Variants in NCKAP5 observed in about 807,000 individuals in gnomAD.
The protein encoded by NCKAP5 is nck-associated protein 5.
A neutral mutation model predicts 167.0 loss-of-function variants in NCKAP5; 92 were observed. That is an observed-to-expected ratio of 0.55 (90% CI 0.47 to 0.66). The LOEUF (loss-of-function observed/expected upper bound fraction) is 0.66, where lower values mean the gene tolerates loss of function less well. Among genes scored for constraint, NCKAP5 ranks in the 30% least tolerant of loss-of-function variants. NCKAP5 has a pLI of 0.00. For synonymous variants in NCKAP5, 891 were observed against 877.4 expected (o/e 1.02, Z -0.27); for missense variants, 2,378 against 2,315.0 (o/e 1.03, Z -0.56).
chr2:133,470,554 T>C (rs1374632468), intron 3 of NCKAP5, among the ~76,000 whole-genome samples: 5 of 152,224 alleles, frequency 3.3e-5, no homozygotes, highest in Non-Finnish European at 5.9e-5. Context: ...TCGAGCTTCC[T>C]GGCTGCTTTG....
chr2:133,047,486 GGTATTT>G (rs2079442959), intron 6 of NCKAP5, among the ~76,000 whole-genome samples: 1 of 152,152 alleles, frequency 6.6e-6, no homozygotes, highest in Admixed American at 6.5e-5. Context: ...GAACTCTCAA[GGTATTT>G]GTTCCTCTGG....
chr2:133,640,700 T>C, the NCKAP5 span, among the ~76,000 whole-genome samples: 1 of 152,232 alleles, frequency 6.6e-6, no homozygotes, highest in South Asian at 2.1e-4. Flanking sequence ...CACTTCTGGT[T>C]TCATTCATCA....
chr2:133,185,232 C>G lies in NCKAP5; in HGVS notation c.207+28484G>C, dbSNP rs527803917. ...TTGAATAGGATTCCTTTCCCTATTG[C>G]TTATTTTTTGTCAACTTTGTCAAAG... On this transcript the variant is annotated intron_variant, in intron 5 of 19. Coordinates refer to ENST00000409261, the MANE Select transcript of NCKAP5 (RefSeq NM_207363.3). Among the ~76,000 whole-genome samples, 170 of 152,132 alleles carry G rather than the reference C, an allele frequency of 1.1e-3. 2 individuals carry two copies. Among genetic ancestry groups the G allele is most frequent in the Middle Eastern group, 0.01 (3 of 294 alleles).
At chr2:133,646,170 A>G in the NCKAP5 span, among the ~76,000 whole-genome samples, 1 of 152,148 alleles carries the variant, frequency 6.6e-6, no homozygotes, top group East Asian at 1.9e-4. Flanking sequence ...AAGAAATAGA[A>G]AAGGTACAGA....
At position 132,783,222 on chromosome 2, in the gene NCKAP5, C is replaced by G; in HGVS notation, c.3589G>C (p.Ala1197Pro). Residue 1197 changes from alanine (A) to proline (P), a missense_variant, in exon 14 of 20, where the codon GCA becomes CCA. Ala to Pro is a conservative substitution (Grantham distance 27). Transcript: ENST00000409261. ...KSKPEDSKNP[A>P]SMEITAGERN... is the part of the protein sequence containing the mutation. Reference sequence around the variant, plus strand: ...TCACCCGCTGTGATCTCCATGCTTGCTGGATTCTTGGAGTCCTCTGGCTTA... The same window carrying G: ...TCACCCGCTGTGATCTCCATGCTTGGTGGATTCTTGGAGTCCTCTGGCTTA... The G allele has an allele frequency of 4.3e-6, 7 of 1,613,980 alleles. No individual in the cohort carries two copies. The highest frequency in any genetic ancestry group is 5.9e-6 in the Non-Finnish European group (7 of 1,179,890).
At chr2:133,471,774 C>T (rs953104806) in intron 3 of NCKAP5, among the ~76,000 whole-genome samples, 1 of 152,120 alleles carries the variant, frequency 6.6e-6, no homozygotes, top group Admixed American at 6.5e-5. Context: ...CTTGTCCTGA[C>T]CAAATGCCCT....
chr2:133,548,806 A>G (rs1686995895), intron 2 of NCKAP5, among the ~76,000 whole-genome samples: 1 of 152,350 alleles, frequency 6.6e-6, no homozygotes, highest in South Asian at 2.1e-4. Context: ...GAGACTAGGA[A>G]GAAACTACAT....
At chr2:132,857,468 G>A (rs1689561845) in intron 11 of NCKAP5, among the ~76,000 whole-genome samples, 1 of 152,166 alleles carries the variant, frequency 6.6e-6, no homozygotes, top group African/African-American at 2.4e-5. Flanking sequence ...ATGGTAGAGA[G>A]CTCTTTACTA....
At chr2:133,269,444 A>C (rs1231621824) in intron 4 of NCKAP5, among the ~76,000 whole-genome samples, 1 of 152,178 alleles carries the variant, frequency 6.6e-6, no homozygotes, top group African/African-American at 2.4e-5. Context: ...TGAATGATTA[A>C]AGGAGGTGAG....
chr2:132,891,181 T>A (rs572694085), intron 8 of NCKAP5, among the ~76,000 whole-genome samples: 4 of 152,320 alleles, frequency 2.6e-5, no homozygotes, highest in Non-Finnish European at 5.9e-5. Flanking sequence ...TGGATGGGGC[T>A]TCAGGCCAGT....
At chr2:133,583,789 T>G in the NCKAP5 span, among the ~76,000 whole-genome samples, 2 of 152,180 alleles carry the variant, frequency 1.3e-5, no homozygotes, top group South Asian at 4.1e-4. Context: ...AGTCTCGCTC[T>G]GTCGCCCAGG....
intron 13 of NCKAP5, among the ~76,000 whole-genome samples, chr2:132,787,919 C>T (rs987408092): frequency 1.3e-5 from 2 of 152,180 alleles, no homozygotes; most frequent in Admixed American, 6.5e-5. Context: ...AGAAGACATG[C>T]TCAACCTCTG....
chr2:133,044,976 G>T (rs2079341478), intron 6 of NCKAP5, among the ~76,000 whole-genome samples: 1 of 151,522 alleles, frequency 6.6e-6, no homozygotes, highest in South Asian at 2.1e-4. Flanking sequence ...GATTGCCTGA[G>T]CCCATGAGTT....
the NCKAP5 span, among the ~76,000 whole-genome samples, chr2:133,627,011 AAAT>A: frequency 6.6e-6 from 1 of 152,098 alleles, no homozygotes; most frequent in South Asian, 2.1e-4. Context: ...CTACATAGAT[AAAT>A]AATTATTATT....
chr2:133,238,281 C>T (rs115039745), intron 4 of NCKAP5, among the ~76,000 whole-genome samples: 80 of 152,214 alleles, frequency 5.3e-4, no homozygotes, highest in Admixed American at 1.5e-3. Flanking sequence ...GCTTGAGGCT[C>T]CTGGAGAGAA....
intron 16 of NCKAP5, among the ~76,000 whole-genome samples, chr2:132,757,919 T>C (rs900368687): frequency 1.3e-5 from 2 of 152,150 alleles, no homozygotes; most frequent in African/African-American, 4.8e-5. Context: ...TTCCACCATA[T>C]GTTTCAGACC....
the NCKAP5 span, among the ~76,000 whole-genome samples, chr2:133,637,415 A>T: frequency 7.2e-6 from 1 of 138,762 alleles, no homozygotes; most frequent in Non-Finnish European, 1.6e-5. Flanking sequence ...CAAGAAAAAG[A>T]GTTTGTAGAA....
At chr2:132,904,017 G>A (rs981949013) in intron 8 of NCKAP5, among the ~76,000 whole-genome samples, 9 of 152,100 alleles carry the variant, frequency 5.9e-5, no homozygotes, top group Non-Finnish European at 1.0e-4. Flanking sequence ...GGCCCGGCGC[G>A]GTGGCTCACG....
At chr2:132,877,289 A>G (rs1473496495) in intron 9 of NCKAP5, among the ~76,000 whole-genome samples, 4 of 152,200 alleles carry the variant, frequency 2.6e-5, no homozygotes, top group Non-Finnish European at 5.9e-5. Context: ...TGCAAATACC[A>G]TTTTGCTTGA....
Sources: allele counts gnomAD v4.1 joint callset (sites outside exome capture counted in the v4.1 genomes callset), GRCh38; gene constraint gnomAD v4.1.1; transcripts MANE v1.5; gene names NCBI Gene and HGNC (gene_info 2026-07-23, HGNC 2026-07-21).